BBS9: variants seen among roughly 807,000 people sequenced by gnomAD.
BBS9 encodes protein PTHB1.
BBS9 carries 89 observed loss-of-function variants against 117.7 expected under a neutral mutation model. That is an observed-to-expected ratio of 0.76 (90% CI 0.64 to 0.90). The LOEUF is 0.90. BBS9 is among the 40% of genes least tolerant of loss of function. The pLI is 0.00. For synonymous variants in BBS9, 379 were observed against 370.9 expected, an observed-to-expected ratio of 1.02 and a Z score of -0.25; for missense variants, 982 against 1,042.2, an observed-to-expected ratio of 0.94 and a Z score of 0.80.
chr7:33,214,837 GA>G (rs1788736036), intron 5 of BBS9, among the ~76,000 whole-genome samples: 1 of 152,108 alleles, frequency 6.6e-6, no homozygotes, highest in South Asian at 2.1e-4. Flanking sequence ...CGTGGAGATA[GA>G]AAAAACAAAA....
chr7:33,405,213 T>G (rs1829702735), intron 19 of BBS9, among the ~76,000 whole-genome samples: 1 of 152,202 alleles, frequency 6.6e-6, no homozygotes, highest in South Asian at 2.1e-4. Flanking sequence ...TCATGGTGGA[T>G]AAGCTTTTTG....
At chr7:33,179,736 C>G (rs115046905) in intron 5 of BBS9, among the ~76,000 whole-genome samples, 1 of 152,056 alleles carries the variant, frequency 6.6e-6, no homozygotes, top group Admixed American at 6.6e-5. Flanking sequence ...CGAAATCTTC[C>G]CCCTTCCTGG....
At chr7:33,304,376 C>T (rs1807375872) in intron 9 of BBS9, among the ~76,000 whole-genome samples, 1 of 139,774 alleles carries the variant, frequency 7.2e-6, no homozygotes, top group Non-Finnish European at 1.5e-5. Context: ...AGCACCTCTG[C>T]CCGGCCGCCA....
intron 21 of BBS9, among the ~76,000 whole-genome samples, chr7:33,563,996 C>T (rs1020518): frequency 0.13 from 19,077 of 151,854 alleles, 1,642 homozygotes; most frequent in East Asian, 0.37. Context: ...TTCATTTTAG[C>T]TTTGAAAGAT....
intron 19 of BBS9, among the ~76,000 whole-genome samples, chr7:33,447,293 C>T (rs998345358): frequency 2.0e-5 from 3 of 152,150 alleles, no homozygotes; most frequent in African/African-American, 7.2e-5. Flanking sequence ...ACGGAAGCTG[C>T]GGGGAAGCAA....
chr7:33,624,210 T>C (rs1029687474), intron 21 of BBS9, among the ~76,000 whole-genome samples: 3 of 152,204 alleles, frequency 2.0e-5, no homozygotes, highest in Non-Finnish European at 4.4e-5. Context: ...ATGGCTATTT[T>C]AGTTTTCTAA....
At chr7:33,618,344 C>T (rs75884537) in intron 21 of BBS9, among the ~76,000 whole-genome samples, 1 of 128,730 alleles carries the variant, frequency 7.8e-6, no homozygotes, top group East Asian at 2.2e-4. Context: ...AACCTTGTCT[C>T]AAAAAAAAAA....
intron 9 of BBS9, among the ~76,000 whole-genome samples, chr7:33,282,073 CAA>C (rs927279246): frequency 2.6e-5 from 4 of 152,116 alleles, no homozygotes; most frequent in African/African-American, 9.7e-5. Flanking sequence ...CTTGGCCTCC[CAA>C]AATGCTGGGA....
chr7:33,390,514 T>G, intron 19 of BBS9: 1 of 968,008 alleles, frequency 1.0e-6, no homozygotes, highest in Non-Finnish European at 1.2e-6. Flanking sequence ...AAAATATGAG[T>G]ACTATAAGGA....
At chr7:33,196,818 T>G (rs1289721882) in intron 5 of BBS9, among the ~76,000 whole-genome samples, 2 of 152,200 alleles carry the variant, frequency 1.3e-5, no homozygotes. Flanking sequence ...GGCATTCATT[T>G]ATAAAATCTC....
intron 19 of BBS9, among the ~76,000 whole-genome samples, chr7:33,470,109 C>G (rs1201326261): frequency 6.6e-6 from 1 of 152,156 alleles, no homozygotes; most frequent in South Asian, 2.1e-4. Context: ...GAATTGAGGA[C>G]TTACTACAAT....
chr7:33,258,116 G>C (rs991581055), intron 6 of BBS9, among the ~76,000 whole-genome samples: 1 of 152,192 alleles, frequency 6.6e-6, no homozygotes, highest in African/African-American at 2.4e-5. Flanking sequence ...TTGGCAGAGA[G>C]AATGGGGAAA....
chr7:33,174,269 G>C (rs1264537689), intron 4 of BBS9, among the ~76,000 whole-genome samples: 1 of 152,196 alleles, frequency 6.6e-6, no homozygotes, highest in East Asian at 1.9e-4. Context: ...TAGGCCTAGT[G>C]GGTACCTCGC....
At position 33,466,050 on chromosome 7, in the gene BBS9, A is replaced by AT. The variant is rs560552357; in HGVS notation, c.2116-39407dup. On this transcript the variant is annotated intron_variant, in intron 19 of 22. Coordinates refer to ENST00000242067, the MANE Select transcript of BBS9 (RefSeq NM_198428.3). ...GTTGTATATATTTAAAGTATATAAC[A>AT]TTTTTTGAGAGAGAGATATATATAT... Among the ~76,000 whole-genome samples the AT allele has an allele frequency of 3.3e-3, 499 of 152,028 alleles. 1 individual carries two copies. The highest frequency in any genetic ancestry group is 4.5e-3 in the Non-Finnish European group (303 of 67,998).
intron 19 of BBS9, among the ~76,000 whole-genome samples, chr7:33,494,985 T>G (rs1241091212): frequency 6.6e-6 from 1 of 152,194 alleles, no homozygotes; most frequent in African/African-American, 2.4e-5. Flanking sequence ...TTTACATATT[T>G]TGCCAAAGAA....
intron 5 of BBS9, among the ~76,000 whole-genome samples, chr7:33,228,911 A>G (rs559857234): frequency 6.6e-5 from 10 of 152,254 alleles, no homozygotes; most frequent in Admixed American, 6.5e-4. Context: ...ACACAGTTCA[A>G]ACAGTTGTTG....
chr7:33,545,871 G>T (rs1402861266), intron 21 of BBS9, among the ~76,000 whole-genome samples: 2 of 138,382 alleles, frequency 1.4e-5, no homozygotes, highest in African/African-American at 5.4e-5. Context: ...TTGCATATGT[G>T]TACATTCTGT....
chr7:33,351,361 G>C (rs747757977), intron 14 of BBS9, 38 bp downstream of exon 14: 8 of 1,360,434 alleles, frequency 5.9e-6, no homozygotes, highest in South Asian at 5.8e-5. Context: ...TAAGTTGTTG[G>C]AGTTATGAGT....
At chr7:33,239,417 C>CT (rs1202300139) in intron 5 of BBS9, among the ~76,000 whole-genome samples, 236 of 147,072 alleles carry the variant, frequency 1.6e-3, no homozygotes, top group Middle Eastern at 3.5e-3. Flanking sequence ...ATCTTTTTAA[C>CT]TTTTTTTTTT....
Sources: allele counts gnomAD v4.1 joint callset (sites outside exome capture counted in the v4.1 genomes callset), GRCh38; gene constraint gnomAD v4.1.1; transcripts MANE v1.5; gene names NCBI Gene and HGNC (gene_info 2026-07-23, HGNC 2026-07-21).